Variants in MYO18B observed in about 807,000 individuals in gnomAD.
The protein encoded by MYO18B is myosin XVIIIB, also known as unconventional myosin-XVIIIb.
A neutral mutation model predicts 273.0 loss-of-function variants in MYO18B; 204 were observed. The observed-to-expected ratio is 0.75, with a 90% CI of 0.67 to 0.84. The LOEUF is 0.84. MYO18B is among the 40% of genes least tolerant of loss of function. The pLI, the probability that MYO18B is intolerant of heterozygous loss-of-function variation, is 0.00. For synonymous variants in MYO18B, 1,330 were observed against 1,305.7 expected (o/e 1.02, Z -0.40); for missense variants, 3,212 against 3,287.6 (o/e 0.98, Z 0.56).
At chr22:25,888,025 T>C (rs1434993977) in intron 25 of MYO18B, among the ~76,000 whole-genome samples, 1 of 152,182 alleles carries the variant, frequency 6.6e-6, no homozygotes, top group Non-Finnish European at 1.5e-5. Context: ...CTGTATTGTG[T>C]GGCCAGTGCA....
At position 25,782,398 on chromosome 22, in the gene MYO18B, C is replaced by T. The variant is rs183436846; in HGVS notation, c.2312+564C>T. Among the ~76,000 whole-genome samples, 584 of 152,268 alleles carry T rather than the reference C, an allele frequency of 3.8e-3. 6 individuals carry two copies. The highest frequency in any genetic ancestry group is 0.014 in the African/African-American group (563 of 41,532). ...TGGTAGGGTATGCCTACATGAGGTT[C>T]CTCAGGATGGACCTGGAGCTGAGTG... is the stretch of plus-strand genomic sequence containing the variant. On this transcript the variant is annotated intron_variant, in intron 10 of 43. Transcript: ENST00000335473.
intron 3 of MYO18B, among the ~76,000 whole-genome samples, chr22:25,764,532 T>G (rs1170059354): frequency 1.3e-5 from 2 of 152,162 alleles, no homozygotes; most frequent in Non-Finnish European, 2.9e-5. Flanking sequence ...CCCTTCAGCT[T>G]TGGTTTGCCC....
chr22:25,936,308 G>A (rs2092577462), intron 34 of MYO18B, among the ~76,000 whole-genome samples: 1 of 152,150 alleles, frequency 6.6e-6, no homozygotes, highest in African/African-American at 2.4e-5. Flanking sequence ...GTTCAGTGGT[G>A]GAGGATTCAA....
chr22:25,949,643 G>A (rs1006797648), intron 36 of MYO18B, among the ~76,000 whole-genome samples: 1 of 152,090 alleles, frequency 6.6e-6, no homozygotes, highest in Middle Eastern at 3.2e-3. Context: ...TCATCCACAT[G>A]GTAACAAACA....
At chr22:25,783,066 A>T (rs2087229454) in intron 10 of MYO18B, among the ~76,000 whole-genome samples, 1 of 152,232 alleles carries the variant, frequency 6.6e-6, no homozygotes, top group Non-Finnish European at 1.5e-5. Context: ...GGTGAGGATT[A>T]AAATATGATC....
chr22:25,771,299 A>G (rs532053364), intron 6 of MYO18B, among the ~76,000 whole-genome samples: 1 of 152,286 alleles, frequency 6.6e-6, no homozygotes, highest in Admixed American at 6.5e-5. Context: ...CTTTTAATTT[A>G]TAGATATTGG....
At chr22:26,045,663 G>A in the MYO18B span, among the ~76,000 whole-genome samples, 1 of 152,234 alleles carries the variant, frequency 6.6e-6, no homozygotes, top group Non-Finnish European at 1.5e-5. Context: ...AAAGCCAAGG[G>A]AGATTCTGAA....
intron 12 of MYO18B, among the ~76,000 whole-genome samples, chr22:25,813,224 G>C (rs1601773618): frequency 8.6e-6 from 1 of 116,800 alleles, no homozygotes; most frequent in Non-Finnish European, 1.7e-5. Context: ...CGCTCTTGTT[G>C]CCCAGGCTGG....
At chr22:25,981,237 G>A (rs554361208) in intron 39 of MYO18B, among the ~76,000 whole-genome samples, 1 of 152,192 alleles carries the variant, frequency 6.6e-6, no homozygotes, top group Non-Finnish European at 1.5e-5. Flanking sequence ...CTGGGGATAT[G>A]ATTCAACTCA....
chr22:26,039,382 A>G, the MYO18B span, among the ~76,000 whole-genome samples: 1 of 152,144 alleles, frequency 6.6e-6, no homozygotes, highest in African/African-American at 2.4e-5. Flanking sequence ...TCCACCTGGA[A>G]CACTCATTTA....
intron 42 of MYO18B, among the ~76,000 whole-genome samples, chr22:26,024,949 C>G (rs960333587): frequency 3.3e-5 from 5 of 152,154 alleles, no homozygotes; most frequent in African/African-American, 1.2e-4. Context: ...TTGTCTGATT[C>G]ATAGATTGCC....
the MYO18B span, among the ~76,000 whole-genome samples, chr22:26,047,361 C>T: frequency 4.6e-5 from 7 of 152,084 alleles, no homozygotes; most frequent in African/African-American, 1.2e-4. Flanking sequence ...CTCCTGACCT[C>T]GTGATCCACC....
At chr22:25,954,595 G>C (rs5761327) in intron 38 of MYO18B, among the ~76,000 whole-genome samples, 147,436 of 152,272 alleles carry the variant, frequency 0.97, 71,445 homozygotes, top group African/African-American at 0.99. Context: ...CCTCCATAAC[G>C]TGCCCAAGGT....
chr22:25,975,397 G>C (rs17708465), intron 39 of MYO18B, among the ~76,000 whole-genome samples: 24,960 of 152,164 alleles, frequency 0.16, 2,581 homozygotes, highest in Non-Finnish European at 0.23. Flanking sequence ...ATATCATATA[G>C]TCTGAGAGGC....
chr22:25,944,616 G>A (rs2092683022), intron 34 of MYO18B, among the ~76,000 whole-genome samples: 1 of 152,146 alleles, frequency 6.6e-6, no homozygotes, highest in Non-Finnish European at 1.5e-5. Flanking sequence ...GTGGGAGGCC[G>A]AGGCGGGCAG....
the MYO18B span, among the ~76,000 whole-genome samples, chr22:26,045,602 C>T: frequency 6.6e-6 from 1 of 152,206 alleles, no homozygotes; most frequent in Non-Finnish European, 1.5e-5. Context: ...GCACTCTGCT[C>T]TGTTAAGTCA....
the MYO18B span, among the ~76,000 whole-genome samples, chr22:26,057,296 GA>G: frequency 6.6e-6 from 1 of 152,098 alleles, no homozygotes; most frequent in Non-Finnish European, 1.5e-5. Flanking sequence ...GCCTCTAAAA[GA>G]TAAGTGGCCT....
At chr22:25,810,451 T>TG (rs1325394639) in intron 12 of MYO18B, among the ~76,000 whole-genome samples, 1 of 139,850 alleles carries the variant, frequency 7.2e-6, no homozygotes, top group Non-Finnish European at 1.5e-5. Context: ...TTTTTTTTTT[T>TG]GAGATGGTGT....
At chr22:26,003,881 A>G (rs1476148337) in intron 41 of MYO18B, among the ~76,000 whole-genome samples, 1 of 151,876 alleles carries the variant, frequency 6.6e-6, no homozygotes, top group Non-Finnish European at 1.5e-5. Flanking sequence ...TTTTATTAGA[A>G]CCTACCATTA....
Sources: gnomAD v4.1 joint callset for allele counts (sites outside exome capture counted in the v4.1 genomes callset) on GRCh38, gnomAD v4.1.1 for gene constraint, MANE v1.5 for transcripts, NCBI Gene and HGNC (gene_info 2026-07-23, HGNC 2026-07-21) for gene names.